SMC5: variants seen among roughly 807,000 people sequenced by gnomAD.
SMC5 encodes structural maintenance of chromosomes protein 5.
A neutral mutation model predicts 148.3 loss-of-function variants in SMC5; 88 were observed. The observed-to-expected ratio is 0.59, with a 90% CI of 0.50 to 0.71. The LOEUF is 0.71. SMC5 is among the 30% of genes least tolerant of loss of function. The pLI is 0.00. For missense variants in SMC5, 1,142 were observed against 1,298.9 expected (o/e 0.88, Z 1.86); for synonymous variants, 421 against 432.8 (o/e 0.97, Z 0.34).
chr9:70,353,432 C>T lies in SMC5; in HGVS notation c.*1101C>T, dbSNP rs757850107. 2 of 152,120 alleles carry T rather than the reference C, an allele frequency of 1.3e-5. No individual in the cohort carries two copies. The highest frequency in any genetic ancestry group is 2.9e-5 in the Non-Finnish European group (2 of 67,990). 9.4% of individuals were successfully genotyped at this position (152,120 alleles called of 1,614,324 possible). A position where few individuals can be genotyped will look rare whatever the true frequency, so the allele number is the denominator to read the frequency against. On this transcript the variant is annotated 3_prime_UTR_variant, in exon 25 of 25. Coordinates refer to ENST00000361138, the MANE Select transcript of SMC5 (RefSeq NM_015110.4). The stretch of plus-strand genomic sequence containing the variant: ...AGTTATACTAATTAGTAGAACCAAA[C>T]AAATTATCTTCTTTTAAAAAATAAA...
chr9:70,323,055 T>G (rs1243858531), intron 15 of SMC5, among the ~76,000 whole-genome samples: 1 of 152,244 alleles, frequency 6.6e-6, no homozygotes, highest in Non-Finnish European at 1.5e-5. Flanking sequence ...CCATCCTTTG[T>G]TCTTTTCTCT....
chr9:70,311,528 A>G (rs2035657279), intron 11 of SMC5: 1 of 152,170 alleles, frequency 6.6e-6, no homozygotes. Context: ...GATGAGCACA[A>G]GCTATTGGAA....
In SMC5 at chr9:70,314,627, C is replaced by T. The variant is rs919716378; in HGVS notation, c.1579-115C>T. On this transcript the variant is annotated intron_variant, in intron 11 of 24. Transcript: ENST00000361138. ...TTATACTAAGTAACATCTAATATGC[C>T]GTGTTCGAGTTTCTTATCCATCCCA... 2.3e-5 allele frequency: 10 copies of T among 441,156 alleles called. No homozygotes were observed. In the South Asian group the frequency reaches 2.5e-4, roughly 11 times the overall value. The allele number at this position is 441,156 out of a possible 1,614,324, so 27.3% of individuals were successfully genotyped here. A position where few individuals can be genotyped will look rare whatever the true frequency, so the allele number is the denominator to read the frequency against.
chr9:70,344,182 A>G lies in SMC5; in HGVS notation c.2436A>G (p.Leu812=), dbSNP rs1002346247. The part of the protein sequence containing the change: ...FIELDENRQR[L]LQKCKELMKR... ...AATTGGATGAAAATAGACAGAGATTATTGCAGAAATGCAAGGAACTTATGA... is the reference window on the plus strand; with the variant it reads ...AATTGGATGAAAATAGACAGAGATTGTTGCAGAAATGCAAGGAACTTATGA... The change falls in exon 18 of 25, where the codon TTA becomes TTG. Residue 812 remains leucine, a synonymous_variant. Transcript: ENST00000361138. 14 of 1,556,750 alleles carry G rather than the reference A, an allele frequency of 9.0e-6. No individual in the cohort carries two copies. In the Middle Eastern group the frequency reaches 5.1e-4, roughly 57 times the overall value.
intron 15 of SMC5, 91 bp downstream of exon 15, chr9:70,319,054 G>A: frequency 8.9e-7 from 1 of 1,121,834 alleles, no homozygotes; most frequent in South Asian, 2.4e-5. Context: ...ATTTCCACAA[G>A]CACGCTTTGT....
At chr9:70,313,083 T>C (rs968630297) in intron 11 of SMC5, among the ~76,000 whole-genome samples, 2 of 152,182 alleles carry the variant, frequency 1.3e-5, no homozygotes, top group African/African-American at 4.8e-5. Flanking sequence ...TAAAGGCTAT[T>C]TCAGCTTCTT....
intron 2 of SMC5, among the ~76,000 whole-genome samples, chr9:70,267,413 G>T (rs1337620947): frequency 1.3e-5 from 2 of 152,030 alleles, no homozygotes; most frequent in Non-Finnish European, 2.9e-5. Context: ...CTTTTAGAAC[G>T]ATGCTTGGTG....
At position 70,298,054 on chromosome 9, in the gene SMC5, A is replaced by C. The variant is rs758714474; in HGVS notation, c.1142A>C (p.Glu381Ala). Residue 381 changes from glutamate to alanine, a missense_variant, in exon 9 of 25, where the codon GAG becomes GCG. Glu to Ala is a moderately radical substitution (Grantham distance 107). Transcript: ENST00000361138. Reference protein sequence around the residue: ...RRIGNTRKMIEDLQNELKTTE... With the variant: ...RRIGNTRKMIADLQNELKTTE... ...ATAGGTAATACCCGCAAAATGATAG[A>C]GGATTTGCAAAATGAACTAAAGACC... 5.6e-6 allele frequency: 9 copies of C among 1,613,918 alleles called. No individual in the cohort carries two copies. The Admixed American group carries it at 1.0e-4, about 18-fold the overall frequency.
chr9:70,273,021 A>G (rs933145264), intron 3 of SMC5, among the ~76,000 whole-genome samples: 3 of 152,178 alleles, frequency 2.0e-5, no homozygotes, highest in African/African-American at 4.8e-5. Context: ...CAGTTTGGTC[A>G]TAGTATTTTT....
At chr9:70,303,793 T>C (rs2035424885) in intron 10 of SMC5, among the ~76,000 whole-genome samples, 1 of 152,210 alleles carries the variant, frequency 6.6e-6, no homozygotes, top group Non-Finnish European at 1.5e-5. Context: ...GCCCAAGCTC[T>C]TAGCTAGTTT....
At chr9:70,303,180 T>TCA (rs2035403803) in intron 10 of SMC5, among the ~76,000 whole-genome samples, 2 of 151,736 alleles carry the variant, frequency 1.3e-5, no homozygotes, top group Admixed American at 1.3e-4. Context: ...TGAGCCGTGA[T>TCA]CACACCACTG....
chr9:70,292,897 C>T (rs529973063), intron 8 of SMC5, among the ~76,000 whole-genome samples: 2 of 152,140 alleles, frequency 1.3e-5, no homozygotes, highest in Admixed American at 1.3e-4. Flanking sequence ...TTACATATTG[C>T]TGAATTCTGT....
At chr9:70,288,342 A>G (rs892718938) in intron 8 of SMC5, among the ~76,000 whole-genome samples, 1 of 151,906 alleles carries the variant, frequency 6.6e-6, no homozygotes, top group African/African-American at 2.4e-5. Context: ...AATCATTTAT[A>G]TTTCTTCTCT....
At chr9:70,262,314 G>A (rs1331243540) in intron 1 of SMC5, among the ~76,000 whole-genome samples, 1 of 152,180 alleles carries the variant, frequency 6.6e-6, no homozygotes, top group African/African-American at 2.4e-5. Flanking sequence ...GGAGAGAATA[G>A]GGAAAGGAGA....
intron 7 of SMC5, among the ~76,000 whole-genome samples, chr9:70,285,379 C>T (rs2034867128): frequency 6.6e-6 from 1 of 152,140 alleles, no homozygotes; most frequent in Non-Finnish European, 1.5e-5. Context: ...TTTTAAAAGT[C>T]CTGTCTACAA....
chr9:70,325,109 G>C (rs1386616868), intron 17 of SMC5, among the ~76,000 whole-genome samples: 2 of 152,092 alleles, frequency 1.3e-5, no homozygotes. Context: ...TGGGAAGTTG[G>C]GCTGAAATCA....
chr9:70,299,188 G>A (rs1350848409), intron 9 of SMC5, among the ~76,000 whole-genome samples: 3 of 151,804 alleles, frequency 2.0e-5, no homozygotes, highest in East Asian at 1.9e-4. Flanking sequence ...AAAACATTTA[G>A]TGTTTTATGT....
intron 11 of SMC5, among the ~76,000 whole-genome samples, chr9:70,308,864 G>A (rs1481909064): frequency 2.0e-5 from 3 of 151,870 alleles, no homozygotes; most frequent in Non-Finnish European, 4.4e-5. Context: ...CTTATATCCT[G>A]TGACACTATT....
intron 7 of SMC5, among the ~76,000 whole-genome samples, chr9:70,283,932 TC>T (rs1308758292): frequency 6.6e-6 from 1 of 152,232 alleles, no homozygotes; most frequent in East Asian, 1.9e-4. Flanking sequence ...GTAAGTTTCA[TC>T]TTTTGTTTGT....
Sources: allele counts gnomAD v4.1 joint callset (sites outside exome capture counted in the v4.1 genomes callset), GRCh38; gene constraint gnomAD v4.1.1; transcripts MANE v1.5; gene names NCBI Gene and HGNC (gene_info 2026-07-23, HGNC 2026-07-21).